Variants in RHBDL2 observed in about 807,000 individuals in gnomAD.
The protein encoded by RHBDL2 is rhomboid-related protein 2.
In RHBDL2, 26 loss-of-function variants were observed where a neutral mutation model predicts 31.7. That is an observed-to-expected ratio of 0.82 (90% confidence interval 0.60 to 1.14). RHBDL2 has a LOEUF of 1.14. Ranked by LOEUF, RHBDL2 falls within the 50% of genes most tolerant of loss-of-function variation. The pLI is 0.00. For missense variants in RHBDL2, 336 were observed against 364.4 expected, an observed-to-expected ratio of 0.92 and a Z score of 0.63; for synonymous variants, 123 against 127.2, an observed-to-expected ratio of 0.97 and a Z score of 0.22.
intron 1 of RHBDL2, among the ~76,000 whole-genome samples, chr1:38,920,868 G>A (rs1241256361): frequency 6.6e-6 from 1 of 151,704 alleles, no homozygotes; most frequent in Non-Finnish European, 1.5e-5. Context: ...GCCCGCCTCG[G>A]CCTCCCAAAG....
intron 6 of RHBDL2, among the ~76,000 whole-genome samples, chr1:38,889,717 G>A (rs576744878): frequency 1.3e-5 from 2 of 152,206 alleles, no homozygotes; most frequent in South Asian, 2.1e-4. Context: ...AGGAGCTTCC[G>A]ACTTCTTGGC....
chr1:38,889,125 A>G (rs142213629), intron 6 of RHBDL2, among the ~76,000 whole-genome samples: 1 of 152,030 alleles, frequency 6.6e-6, no homozygotes, highest in African/African-American at 2.4e-5. Flanking sequence ...CAGAGTCTCA[A>G]CTCTGTCGCC....
chr1:38,913,883 C>G (rs1387206828), intron 3 of RHBDL2, among the ~76,000 whole-genome samples: 1 of 152,120 alleles, frequency 6.6e-6, no homozygotes, highest in African/African-American at 2.4e-5. Flanking sequence ...CTTTGGGAGG[C>G]CAAGGCAGGC....
At position 38,918,977 on chromosome 1, in the gene RHBDL2, CT is replaced by C. The variant is rs778563017; in HGVS notation, c.235del (p.Ser79AlafsTer89). On this transcript the variant is annotated frameshift_variant, in exon 2 of 8. Coordinates refer to ENST00000372990, the MANE Select transcript of RHBDL2 (RefSeq NM_017821.5). LOFTEE classifies it high-confidence loss of function. ...CCGCTCCCCATTCACCTCGGCCAGG[CT>C]GATGGAGATGATGAACACGGGAGGC... ...FPPPVFIISI[S>X]LAELAVFIYY... 1.2e-6 allele frequency: 2 copies of C among 1,613,006 alleles called. No individual in the cohort carries two copies. The highest frequency in any genetic ancestry group is 2.2e-5 in the South Asian group (2 of 91,002).
chr1:38,905,774 C>T (rs913740736), intron 4 of RHBDL2, among the ~76,000 whole-genome samples: 3 of 145,288 alleles, frequency 2.1e-5, no homozygotes, highest in Non-Finnish European at 4.5e-5. Context: ...AAAGGCCAGG[C>T]GCAGTGGCTC....
chr1:38,931,031 G>A (rs1180728869), intron 1 of RHBDL2, among the ~76,000 whole-genome samples: 1 of 152,122 alleles, frequency 6.6e-6, no homozygotes, highest in Non-Finnish European at 1.5e-5. Context: ...CTAATCCTAG[G>A]GCACTGGTTC....
chr1:38,907,659 G>A (rs1380201955), intron 4 of RHBDL2, among the ~76,000 whole-genome samples: 1 of 152,236 alleles, frequency 6.6e-6, no homozygotes, highest in African/African-American at 2.4e-5. Context: ...CTTGAGCACA[G>A]GAGTTCGAGG....
At chr1:38,899,439 T>C (rs945140524) in intron 4 of RHBDL2, among the ~76,000 whole-genome samples, 23 of 152,118 alleles carry the variant, frequency 1.5e-4, no homozygotes, top group Non-Finnish European at 1.3e-4. Flanking sequence ...TGGGGGGCAG[T>C]TTCTCAATGC....
chr1:38,934,658 CAAA>C (rs369758227), intron 1 of RHBDL2, among the ~76,000 whole-genome samples: 1 of 123,818 alleles, frequency 8.1e-6, no homozygotes, highest in Non-Finnish European at 1.6e-5. Flanking sequence ...AAGACTGTCT[CAAA>C]AAAAAAAAAA....
intron 7 of RHBDL2, among the ~76,000 whole-genome samples, chr1:38,887,599 AT>A (rs925834927): frequency 6.6e-6 from 1 of 151,794 alleles, no homozygotes; most frequent in Non-Finnish European, 1.5e-5. Flanking sequence ...TAATTTTTGT[AT>A]TTTTAGTAGA....
rs9439088 is a variant in RHBDL2, at chr1:38,885,987, G to A, written c.*517C>T. The A allele has an allele frequency of 0.95, 145,139 of 152,376 alleles. 69,431 individuals are homozygous for A. The highest frequency in any genetic ancestry group is 0.99 in the African/African-American group (41,163 of 41,578). 9.4% of individuals were successfully genotyped at this position (152,376 alleles called of 1,614,324 possible). A position where few individuals can be genotyped will look rare whatever the true frequency, so the allele number is the denominator to read the frequency against. The stretch of plus-strand genomic sequence containing the variant: ...GTTTTTTGAGACCGAGTGTCGCTCT[G>A]TCACCCAGGCTGGAGTGCAGTGGCG... On this transcript the variant is annotated 3_prime_UTR_variant, in exon 8 of 8. Coordinates refer to ENST00000372990, the MANE Select transcript of RHBDL2 (RefSeq NM_017821.5).
intron 1 of RHBDL2, among the ~76,000 whole-genome samples, chr1:38,935,248 C>A (rs1643485032): frequency 6.6e-6 from 1 of 151,902 alleles, no homozygotes; most frequent in Non-Finnish European, 1.5e-5. Context: ...GAAAATCTAC[C>A]TTTATTTTTA....
At chr1:38,891,319 A>G (rs1479917413) in intron 6 of RHBDL2, among the ~76,000 whole-genome samples, 1 of 152,106 alleles carries the variant, frequency 6.6e-6, no homozygotes, top group East Asian at 1.9e-4. Flanking sequence ...TACATATTAC[A>G]TATTACAAAA....
At chr1:38,926,229 T>C in intron 1 of RHBDL2, 1 of 1,103,152 alleles carries the variant, frequency 9.1e-7, no homozygotes, top group Middle Eastern at 4.3e-4. Flanking sequence ...GTTGCAGCAG[T>C]GGCAGCAGTA....
chr1:38,887,941 AAAAG>A lies in RHBDL2; in HGVS notation c.732+18_732+21del. The A allele has an allele frequency of 6.5e-7, 1 of 1,544,392 alleles. No homozygotes were observed. The highest frequency in any genetic ancestry group is 8.9e-7 in the Non-Finnish European group (1 of 1,121,880). On this transcript the variant is annotated intron_variant, in intron 7 of 7. Transcript: ENST00000372990. ...GACAGTAAACTAATTTCTATTTTAT[AAAAG>A]AAAGAAACTGAACTCACCGGAGACC...
At chr1:38,905,842 CAGATCATGAGGTCAGGAGTTTG>C (rs1643058329) in intron 4 of RHBDL2, among the ~76,000 whole-genome samples, 1 of 151,520 alleles carries the variant, frequency 6.6e-6, no homozygotes, top group South Asian at 2.1e-4. Flanking sequence ...CCAAGGCAGG[CAGATCATGAGGTCAGGAGTTTG>C]AGACAAGCCT....
At chr1:38,911,654 G>GCA (rs1557615195) in intron 3 of RHBDL2, among the ~76,000 whole-genome samples, 9 of 151,042 alleles carry the variant, frequency 6.0e-5, no homozygotes, top group African/African-American at 2.0e-4. Flanking sequence ...GTGCGCGCGC[G>GCA]CGCGCGTGTG....
intron 4 of RHBDL2, 54 bp from the exon 5 acceptor site, chr1:38,896,123 A>T: frequency 7.8e-6 from 10 of 1,289,256 alleles, no homozygotes; most frequent in African/African-American, 1.5e-5. Flanking sequence ...CAGGAAAGAT[A>T]AATCTTTCTA....
intron 4 of RHBDL2, among the ~76,000 whole-genome samples, chr1:38,906,376 T>C (rs1198072913): frequency 6.6e-6 from 1 of 151,900 alleles, no homozygotes; most frequent in Admixed American, 6.6e-5. Flanking sequence ...TTGCAAGGTA[T>C]AAGAATAACA....
Sources: gnomAD v4.1 joint callset for allele counts (sites outside exome capture counted in the v4.1 genomes callset) on GRCh38, gnomAD v4.1.1 for gene constraint, MANE v1.5 for transcripts, NCBI Gene and HGNC (gene_info 2026-07-23, HGNC 2026-07-21) for gene names.